Variants in NRIP1 observed in about 807,000 individuals in gnomAD.
NRIP1 encodes nuclear receptor interacting protein 1.
NRIP1 carries 28 observed loss-of-function variants against 75.0 expected under a neutral mutation model. The ratio of observed to expected loss-of-function variants is 0.37; its 90% CI spans 0.28 to 0.51. The LOEUF is 0.51. NRIP1 is among the 20% of genes least tolerant of loss of function. NRIP1 has a pLI of 0.92. For missense variants in NRIP1, 1,435 were observed against 1,343.7 expected (o/e 1.07, Z -1.06); for synonymous variants, 526 against 487.6 (o/e 1.08, Z -1.04).
intron 2 of NRIP1, among the ~76,000 whole-genome samples, chr21:15,018,163 C>T (rs1449717129): frequency 6.6e-6 from 1 of 152,046 alleles, no homozygotes; most frequent in African/African-American, 2.4e-5. Flanking sequence ...AAATATTATA[C>T]AATCTTTAAA....
chr21:14,991,934 A>T (rs1457833447), intron 3 of NRIP1, among the ~76,000 whole-genome samples: 1 of 152,192 alleles, frequency 6.6e-6, no homozygotes, highest in African/African-American at 2.4e-5. Context: ...TCCAGAATTA[A>T]AAAGCTGCGT....
intron 3 of NRIP1, among the ~76,000 whole-genome samples, chr21:14,987,414 A>G (rs565600028): frequency 6.6e-6 from 1 of 152,020 alleles, no homozygotes; most frequent in South Asian, 2.1e-4. Context: ...CACAAAAAAC[A>G]AGGCTAATCC....
chr21:15,064,419 G>A (rs1009493762), intron 1 of NRIP1, among the ~76,000 whole-genome samples: 2 of 152,178 alleles, frequency 1.3e-5, no homozygotes, highest in African/African-American at 2.4e-5. Flanking sequence ...GCGAGCGGGG[G>A]CAACCCCGAC....
In NRIP1 at chr21:14,966,401, G is replaced by A. The variant is rs1187132850; in HGVS notation, c.1792C>T (p.His598Tyr). The A allele has an allele frequency of 2.5e-6, 4 of 1,613,940 alleles. No individual in the cohort carries two copies. Among genetic ancestry groups the A allele is most frequent in the Non-Finnish European group, 2.5e-6 (3 of 1,179,980 alleles). Residue 598 changes from histidine (H) to tyrosine (Y), a missense_variant, in exon 4 of 4, where the codon CAC (histidine) becomes TAC (tyrosine). Physicochemically the swap from His to Tyr is moderately conservative, Grantham distance 83 (BLOSUM62 2). Coordinates refer to ENST00000318948, the MANE Select transcript of NRIP1 (RefSeq NM_003489.4). ...TTGCTTTTTGTAAGGTCCATTGAGT[G>A]GTTAGATGCAGTATTTGTTAGCTTT... Reference protein sequence around the residue: ...SEKLTNTASNHSMDLTKSKDP... With the variant: ...SEKLTNTASNYSMDLTKSKDP...
At chr21:14,983,967 G>A (rs181102558) in intron 3 of NRIP1, among the ~76,000 whole-genome samples, 1 of 152,208 alleles carries the variant, frequency 6.6e-6, no homozygotes, top group Non-Finnish European at 1.5e-5. Context: ...TGTACAAGGA[G>A]ATTAATGTTG....
At chr21:15,056,965 T>A (rs963810100) in intron 1 of NRIP1, among the ~76,000 whole-genome samples, 3 of 152,162 alleles carry the variant, frequency 2.0e-5, no homozygotes, top group Admixed American at 2.0e-4. Context: ...AAAAATGTAC[T>A]ATGTGCCACA....
At chr21:15,056,545 T>C (rs1463709771) in intron 1 of NRIP1, among the ~76,000 whole-genome samples, 1 of 152,194 alleles carries the variant, frequency 6.6e-6, no homozygotes, top group Admixed American at 6.5e-5. Flanking sequence ...AAGGAAATAA[T>C]ATAAGTTCAT....
intron 3 of NRIP1, among the ~76,000 whole-genome samples, chr21:15,011,187 C>CAAAA (rs2088091964): frequency 6.6e-6 from 1 of 152,148 alleles, no homozygotes; most frequent in Non-Finnish European, 1.5e-5. Context: ...CCCAGCTCAT[C>CAAAA]AGTACTGGCA....
intron 3 of NRIP1, among the ~76,000 whole-genome samples, chr21:15,010,308 A>AGAGAAGGTG (rs781737548): frequency 6.6e-6 from 1 of 152,202 alleles, no homozygotes; most frequent in Non-Finnish European, 1.5e-5. Flanking sequence ...CTGTGTAAGA[A>AGAGAAGGTG]GAGAAAGTGT....
intron 1 of NRIP1, among the ~76,000 whole-genome samples, chr21:15,053,718 A>G (rs2089249412): frequency 6.6e-6 from 1 of 152,196 alleles, no homozygotes; most frequent in South Asian, 2.1e-4. Context: ...CTTTTACTTC[A>G]TATATTAGTC....
intron 2 of NRIP1, among the ~76,000 whole-genome samples, chr21:15,020,992 T>A (rs79921812): frequency 2.0e-3 from 298 of 152,302 alleles, no homozygotes; most frequent in African/African-American, 6.5e-3. Context: ...AAAAACAGTT[T>A]GGTGGTTTTT....
chr21:15,037,243 A>G (rs1269261753), intron 2 of NRIP1, among the ~76,000 whole-genome samples: 7 of 152,316 alleles, frequency 4.6e-5, no homozygotes, highest in East Asian at 1.9e-4. Context: ...AACACACATG[A>G]TATCATTTCA....
At chr21:15,004,889 A>AC (rs1212679552) in intron 3 of NRIP1, among the ~76,000 whole-genome samples, 1 of 152,164 alleles carries the variant, frequency 6.6e-6, no homozygotes, top group Non-Finnish European at 1.5e-5. Context: ...CACTTTACTC[A>AC]CCCACCTCCA....
At chr21:14,986,659 A>T (rs1032859053) in intron 3 of NRIP1, among the ~76,000 whole-genome samples, 3 of 152,226 alleles carry the variant, frequency 2.0e-5, no homozygotes, top group Non-Finnish European at 4.4e-5. Flanking sequence ...TATTTAGGCA[A>T]TTGTTTAGGT....
chr21:15,058,556 G>C (rs2089354567), intron 1 of NRIP1, among the ~76,000 whole-genome samples: 1 of 152,048 alleles, frequency 6.6e-6, no homozygotes, highest in Non-Finnish European at 1.5e-5. Flanking sequence ...TTAAACACTT[G>C]CTATCTCTCA....
At chr21:14,993,683 G>A (rs887160502) in intron 3 of NRIP1, among the ~76,000 whole-genome samples, 3 of 152,064 alleles carry the variant, frequency 2.0e-5, no homozygotes. Flanking sequence ...TTCTTGGGAG[G>A]CTGACACGGA....
intron 1 of NRIP1, among the ~76,000 whole-genome samples, chr21:15,058,557 C>T (rs1008928585): frequency 6.6e-6 from 1 of 152,180 alleles, no homozygotes; most frequent in Admixed American, 6.5e-5. Context: ...TAAACACTTG[C>T]TATCTCTCAA....
intron 2 of NRIP1, among the ~76,000 whole-genome samples, chr21:15,039,245 T>C (rs1045698177): frequency 1.4e-4 from 21 of 152,092 alleles, no homozygotes; most frequent in Admixed American, 1.4e-3. Context: ...TTTAAGAGTG[T>C]GGAGGTAGTA....
chr21:14,982,057 C>T (rs1175862174), intron 3 of NRIP1, among the ~76,000 whole-genome samples: 3 of 151,898 alleles, frequency 2.0e-5, no homozygotes, highest in African/African-American at 7.3e-5. Flanking sequence ...ACCATATTGC[C>T]CAGGGTGGTC....
Sources: gnomAD v4.1 joint callset for allele counts (sites outside exome capture counted in the v4.1 genomes callset) on GRCh38, gnomAD v4.1.1 for gene constraint, MANE v1.5 for transcripts, NCBI Gene and HGNC (gene_info 2026-07-23, HGNC 2026-07-21) for gene names.